Variants in HSD17B12 observed in about 807,000 individuals in gnomAD.
HSD17B12 encodes the protein hydroxysteroid 17-beta dehydrogenase 12, also known as very-long-chain 3-oxoacyl-CoA reductase.
A neutral mutation model predicts 39.3 loss-of-function variants in HSD17B12; 32 were observed. That is an observed-to-expected ratio of 0.81 (90% CI 0.61 to 1.09). The LOEUF (loss-of-function observed/expected upper bound fraction) is 1.09. Among genes scored for constraint, HSD17B12 ranks in the 50% least tolerant of loss-of-function variants. The pLI is 0.00. For missense variants in HSD17B12, 342 were observed against 382.9 expected (o/e 0.89, Z 0.89); for synonymous variants, 150 against 146.7 (o/e 1.02, Z -0.16).
At chr11:43,621,634 C>T in the HSD17B12 span, among the ~76,000 whole-genome samples, 8 of 152,112 alleles carry the variant, frequency 5.3e-5, no homozygotes, top group African/African-American at 1.9e-4. Context: ...TCACTTGAGC[C>T]CAGAAGACTG....
intron 6 of HSD17B12, among the ~76,000 whole-genome samples, chr11:43,829,357 C>A (rs185854454): frequency 2.2e-3 from 330 of 152,114 alleles, no homozygotes; most frequent in Non-Finnish European, 3.5e-3. Context: ...CATAAAAGGC[C>A]TCTTGATGAA....
intron 6 of HSD17B12, among the ~76,000 whole-genome samples, chr11:43,819,039 A>G (rs1181780493): frequency 7.2e-5 from 11 of 152,220 alleles, no homozygotes; most frequent in Non-Finnish European, 1.6e-4. Flanking sequence ...ATAAGTGTTA[A>G]AAACAATGTA....
upstream of HSD17B12, among the ~76,000 whole-genome samples, chr11:43,676,208 GGTGT>G (rs56092553): frequency 3.3e-4 from 49 of 147,730 alleles, no homozygotes; most frequent in South Asian, 1.5e-3. Flanking sequence ...AGAGGAAGAG[GGTGT>G]GTGTGTGTGT....
At chr11:43,620,574 G>A in the HSD17B12 span, among the ~76,000 whole-genome samples, 1 of 152,172 alleles carries the variant, frequency 6.6e-6, no homozygotes, top group African/African-American at 2.4e-5. Flanking sequence ...TCATGGTCAT[G>A]GAAAATTACA....
At chr11:43,753,735 T>G (rs1158571538) in intron 2 of HSD17B12, among the ~76,000 whole-genome samples, 2 of 151,916 alleles carry the variant, frequency 1.3e-5, no homozygotes, top group Admixed American at 1.3e-4. Flanking sequence ...TAAAGCTAAT[T>G]TTTAAATTAT....
At chr11:43,685,049 G>C (rs940543406) in intron 1 of HSD17B12, among the ~76,000 whole-genome samples, 1 of 152,100 alleles carries the variant, frequency 6.6e-6, no homozygotes, top group Admixed American at 6.6e-5. Flanking sequence ...TTGTATTGCT[G>C]AATAATATTC....
intron 3 of HSD17B12, among the ~76,000 whole-genome samples, chr11:43,766,303 A>G (rs569834855): frequency 1.3e-5 from 2 of 152,302 alleles, no homozygotes; most frequent in Admixed American, 6.5e-5. Flanking sequence ...ATAATGGTCT[A>G]GAAAATCTCT....
At chr11:43,629,324 C>T in the HSD17B12 span, among the ~76,000 whole-genome samples, 3 of 152,112 alleles carry the variant, frequency 2.0e-5, no homozygotes, top group Non-Finnish European at 2.9e-5. Context: ...CCTGTAAGGA[C>T]CTGCTATTCA....
chr11:43,757,921 C>G (rs1250872106), intron 3 of HSD17B12, among the ~76,000 whole-genome samples: 4 of 152,034 alleles, frequency 2.6e-5, no homozygotes, highest in Admixed American at 6.6e-5. Context: ...TACTGAAAGA[C>G]CTATCCTCTG....
rs370643213 is a variant in HSD17B12 at position 43,703,287 on chromosome 11, C to T, written c.160+22300C>T. On this transcript the variant is annotated intron_variant, in intron 1 of 10. Transcript: ENST00000278353. ...TTGGCTCACTGCAAGCTCCGCCTCC[C>T]GGGTTCACGCCATTCTCCTGCCTCA... is the stretch of plus-strand genomic sequence containing the variant. Among the ~76,000 whole-genome samples, 23 of 151,860 alleles carry T rather than the reference C, an allele frequency of 1.5e-4. 4 individuals carry two copies. The highest frequency in any genetic ancestry group is 1.2e-3 in the Admixed American group (18 of 15,284).
chr11:43,690,126 C>T (rs1406708169), intron 1 of HSD17B12, among the ~76,000 whole-genome samples: 3 of 151,586 alleles, frequency 2.0e-5, no homozygotes, highest in African/African-American at 7.3e-5. Context: ...GTTTCTCCCT[C>T]ACTCCCACTC....
chr11:43,849,130 C>G (rs532452682), intron 9 of HSD17B12, among the ~76,000 whole-genome samples: 2 of 152,078 alleles, frequency 1.3e-5, no homozygotes, highest in South Asian at 2.1e-4. Context: ...ATGGTGAAAC[C>G]CTGTCTCTAC....
intron 1 of HSD17B12, among the ~76,000 whole-genome samples, chr11:43,714,607 G>A (rs1208993405): frequency 6.6e-6 from 1 of 152,108 alleles, no homozygotes; most frequent in Admixed American, 6.5e-5. Flanking sequence ...GGTGATGCGG[G>A]CTCTTTTTTG....
intron 7 of HSD17B12, among the ~76,000 whole-genome samples, chr11:43,835,770 G>A (rs1424891823): frequency 6.6e-6 from 1 of 152,102 alleles, no homozygotes; most frequent in East Asian, 1.9e-4. Context: ...CTAATTCAAA[G>A]CAACTCCACC....
intron 4 of HSD17B12, among the ~76,000 whole-genome samples, chr11:43,802,440 A>G (rs1950980686): frequency 6.6e-6 from 1 of 152,172 alleles, no homozygotes. Flanking sequence ...TTTCCACTTA[A>G]TAGCATATCT....
chr11:43,846,118 A>C (rs1222769517), intron 9 of HSD17B12, among the ~76,000 whole-genome samples: 2 of 152,236 alleles, frequency 1.3e-5, no homozygotes, highest in Non-Finnish European at 1.5e-5. Context: ...TGCCTTCAAC[A>C]TCCGGTGATC....
Position 43,838,449 on chromosome 11 carries a change from TTAG to T in HSD17B12, c.618+53_618+55del, listed in dbSNP as rs767854817. 9 of 1,313,372 alleles carry T rather than the reference TTAG, an allele frequency of 6.9e-6. No individual in the cohort carries two copies. In the East Asian group the frequency reaches 2.1e-4, roughly 30 times the overall value. 81.4% of individuals were successfully genotyped at this position (1,313,372 alleles called of 1,614,324 possible). ...TCAATATAGTAATAAGGGGTAATTT[TTAG>T]TCTGAGAAATTAACGTAGATTTAAC... On this transcript the variant is annotated intron_variant, in intron 8 of 10. Coordinates refer to ENST00000278353, the MANE Select transcript of HSD17B12 (RefSeq NM_016142.3).
chr11:43,598,403 G>A, the HSD17B12 span, among the ~76,000 whole-genome samples: 60,712 of 151,228 alleles, frequency 0.4, 13,578 homozygotes, highest in East Asian at 0.76. Context: ...TTGAGCTGGG[G>A]TATTTTTTTT....
the HSD17B12 span, among the ~76,000 whole-genome samples, chr11:43,599,162 T>C: frequency 1.3e-5 from 2 of 152,238 alleles, no homozygotes; most frequent in African/African-American, 4.8e-5. Context: ...TCTGGAACGA[T>C]GTTCACCTAA....
Sources: allele counts gnomAD v4.1 joint callset (sites outside exome capture counted in the v4.1 genomes callset), GRCh38; gene constraint gnomAD v4.1.1; transcripts MANE v1.5; gene names NCBI Gene and HGNC (gene_info 2026-07-23, HGNC 2026-07-21).